The following PRKACA variants were observed in gnomAD, a reference collection of about 807,000 sequenced individuals.
PRKACA encodes the protein cAMP-dependent protein kinase catalytic subunit alpha.
Under a neutral mutation model 45.8 loss-of-function variants are expected in PRKACA, and 9 were observed. The ratio of observed to expected loss-of-function variants is 0.20; its 90% CI spans 0.12 to 0.34. The LOEUF (loss-of-function observed/expected upper bound fraction) is 0.34. Among genes scored for constraint, PRKACA ranks in the 10% least tolerant of loss-of-function variants. PRKACA has a pLI of 1.00. For missense variants in PRKACA, 238 were observed against 458.6 expected (o/e 0.52, Z 4.39); for synonymous variants, 160 against 178.6 (o/e 0.90, Z 0.83).
chr19:14,107,762 AT>A (rs1302367086), intron 1 of PRKACA: 6 of 1,038,584 alleles, frequency 5.8e-6, no homozygotes, highest in Non-Finnish European at 6.9e-6. Flanking sequence ...TAGCCTTGGG[AT>A]TTGGCTGTTC....
chr19:14,104,113 G>A (rs1977527226), intron 3 of PRKACA, among the ~76,000 whole-genome samples: 1 of 152,032 alleles, frequency 6.6e-6, no homozygotes, highest in Non-Finnish European at 1.5e-5. Context: ...CGAGGCAGGT[G>A]GATCACGAGG....
intron 5 of PRKACA, among the ~76,000 whole-genome samples, chr19:14,100,223 C>T (rs1977404925): frequency 6.6e-6 from 1 of 152,016 alleles, no homozygotes; most frequent in African/African-American, 2.4e-5. Context: ...ATGATCTTCT[C>T]ACCTCAGCCT....
At chr19:14,109,449 A>C (rs1977706643) in intron 1 of PRKACA, among the ~76,000 whole-genome samples, 1 of 151,548 alleles carries the variant, frequency 6.6e-6, no homozygotes, top group South Asian at 2.1e-4. Context: ...CTCTGTCTCC[A>C]AAACAAAACA....
intron 1 of PRKACA, among the ~76,000 whole-genome samples, chr19:14,111,878 G>A (rs1448115093): frequency 1.3e-5 from 2 of 152,164 alleles, no homozygotes; most frequent in African/African-American, 4.8e-5. Flanking sequence ...AGGCAGAGAG[G>A]TGCCAGGCTT....
At chr19:14,114,196 G>A in intron 1 of PRKACA, 5 of 1,604,196 alleles carry the variant, frequency 3.1e-6, no homozygotes, top group Non-Finnish European at 4.3e-6. Flanking sequence ...TACGGTGGCT[G>A]GGAAGGCTCA....
intron 1 of PRKACA, chr19:14,114,102 G>T: frequency 6.2e-7 from 1 of 1,604,854 alleles, no homozygotes; most frequent in South Asian, 1.1e-5. Flanking sequence ...GTGTGCCTAG[G>T]AAGTTGCTAT....
At chr19:14,104,209 C>T (rs1171977037) in intron 3 of PRKACA, among the ~76,000 whole-genome samples, 5 of 150,802 alleles carry the variant, frequency 3.3e-5, no homozygotes, top group Admixed American at 6.6e-5. Context: ...TGGTGGCGGG[C>T]GCCTGTAGTC....
chr19:14,094,224 T>C (rs1302713014), intron 8 of PRKACA, among the ~76,000 whole-genome samples: 2 of 146,348 alleles, frequency 1.4e-5, no homozygotes, highest in Non-Finnish European at 3.0e-5. Flanking sequence ...AGCCTCACTC[T>C]GTAGCCCAGG....
chr19:14,116,618 G>T (rs936201090), intron 1 of PRKACA, among the ~76,000 whole-genome samples: 1 of 152,118 alleles, frequency 6.6e-6, no homozygotes, highest in African/African-American at 2.4e-5. Flanking sequence ...CCTCCATGGA[G>T]CCTAGAGCTC....
chr19:14,117,200 AG>A (rs1356568164), intron 1 of PRKACA, among the ~76,000 whole-genome samples: 2 of 101,638 alleles, frequency 2.0e-5, no homozygotes, highest in Admixed American at 2.1e-4. Flanking sequence ...CCAGGAAAGG[AG>A]GGGGTAGGCT....
Position 14,104,695 on chromosome 19 carries a change from CAAAA to C in PRKACA, c.238-1785_238-1782del, listed in dbSNP as rs1187253406. Reference sequence around the variant, plus strand: ...TGAGCGACAGAGCGAGACTCCATCTCAAAAAAAAAAAAAAAAAAAATTAAAAAAT... The same window carrying C: ...TGAGCGACAGAGCGAGACTCCATCTCAAAAAAAAAAAAAAAATTAAAAAAT... On this transcript the variant is annotated intron_variant, in intron 3 of 9. Transcript: ENST00000308677. Among the ~76,000 whole-genome samples the C allele has an allele frequency of 7.5e-5, 4 of 53,250 alleles. No individual in the cohort carries two copies. The East Asian group carries it at 2.4e-3, about 31-fold the overall frequency. 34.9% of individuals were successfully genotyped at this position (53,250 alleles called of 152,430 possible).
intron 1 of PRKACA, among the ~76,000 whole-genome samples, chr19:14,115,927 C>T (rs1174327412): frequency 6.6e-6 from 1 of 152,008 alleles, no homozygotes; most frequent in Admixed American, 6.6e-5. Context: ...TTGGACACTA[C>T]CCACCTGCTC....
At chr19:14,109,682 A>G (rs1382334524) in intron 1 of PRKACA, among the ~76,000 whole-genome samples, 3 of 151,032 alleles carry the variant, frequency 2.0e-5, no homozygotes, top group Non-Finnish European at 4.4e-5. Context: ...TCACGTCTAT[A>G]ATCCCAGCAC....
intron 4 of PRKACA, 123 bp downstream of exon 4, chr19:14,102,693 G>A: frequency 1.2e-6 from 1 of 823,350 alleles, no homozygotes; most frequent in East Asian, 2.5e-5. Flanking sequence ...CCTCCTCCAG[G>A]GATCTTGTTC....
At chr19:14,111,641 T>C (rs1966967886) in intron 1 of PRKACA, among the ~76,000 whole-genome samples, 1 of 152,222 alleles carries the variant, frequency 6.6e-6, no homozygotes, top group South Asian at 2.1e-4. Flanking sequence ...GGTCTTGCTA[T>C]GTTGCCCAGG....
At chr19:14,106,239 G>A (rs1002208062) in intron 3 of PRKACA, among the ~76,000 whole-genome samples, 7 of 152,140 alleles carry the variant, frequency 4.6e-5, no homozygotes, top group South Asian at 2.1e-4. Context: ...GGTAGTGTGC[G>A]CTTGTAGTCC....
chr19:14,107,845 G>C lies in PRKACA; in HGVS notation c.47-436C>G, dbSNP rs1046030816. ...GGGGCTCGGGTAGCAGGTGCCCTTGGGGGGCTCAGCTGTCACCTTGGCCCC... is the reference window on the plus strand; with the variant it reads ...GGGGCTCGGGTAGCAGGTGCCCTTGCGGGGCTCAGCTGTCACCTTGGCCCC... On this transcript the variant is annotated intron_variant, in intron 1 of 9. Coordinates refer to ENST00000308677, the MANE Select transcript of PRKACA (RefSeq NM_002730.4). 9 of 995,590 alleles carry C rather than the reference G, an allele frequency of 9.0e-6. No homozygotes were observed. In the African/African-American group the frequency reaches 1.2e-4, roughly 13 times the overall value. The allele number at this position is 995,590 out of a possible 1,614,324, so 61.7% of individuals were successfully genotyped here.
At chr19:14,100,405 C>T (rs550877566) in intron 5 of PRKACA, among the ~76,000 whole-genome samples, 1 of 151,854 alleles carries the variant, frequency 6.6e-6, no homozygotes, top group East Asian at 1.9e-4. Context: ...TCAAGTGATT[C>T]TCCTGCCTCA....
At chr19:14,108,551 A>C (rs1977681789) in intron 1 of PRKACA, among the ~76,000 whole-genome samples, 1 of 150,914 alleles carries the variant, frequency 6.6e-6, no homozygotes. Context: ...GGGACTACAG[A>C]CGCCTGCCAC....
Sources: allele counts gnomAD v4.1 joint callset (sites outside exome capture counted in the v4.1 genomes callset), GRCh38; gene constraint gnomAD v4.1.1; transcripts MANE v1.5; gene names NCBI Gene and HGNC (gene_info 2026-07-23, HGNC 2026-07-21).